WHRN: variants seen among roughly 807,000 people sequenced by gnomAD.
The protein encoded by WHRN is whirlin.
A neutral mutation model predicts 68.3 loss-of-function variants in WHRN; 41 were observed. That is an observed-to-expected ratio of 0.60 (90% confidence interval 0.47 to 0.78). WHRN has a LOEUF of 0.78. Ranked by LOEUF, WHRN falls within the 30% of genes least tolerant of loss-of-function variation. WHRN has a pLI of 0.00. For missense variants in WHRN, 1,243 were observed against 1,244.7 expected, an observed-to-expected ratio of 1.00 and a Z score of 0.02; for synonymous variants, 560 against 561.3, an observed-to-expected ratio of 1.00 and a Z score of 0.03.
At chr9:114,493,115 C>T (rs900650027) in intron 1 of WHRN, among the ~76,000 whole-genome samples, 8 of 151,862 alleles carry the variant, frequency 5.3e-5, no homozygotes, top group South Asian at 2.1e-4. Context: ...TTTGAGAGGC[C>T]GAGGTAGGAG....
chr9:114,421,894 G>A (rs1418868520), intron 7 of WHRN, among the ~76,000 whole-genome samples: 3 of 152,136 alleles, frequency 2.0e-5, no homozygotes, highest in African/African-American at 7.2e-5. Context: ...CCCAGGAAGG[G>A]GATGAGCACC....
intron 2 of WHRN, among the ~76,000 whole-genome samples, chr9:114,477,990 G>A (rs979176599): frequency 6.6e-6 from 1 of 152,152 alleles, no homozygotes; most frequent in South Asian, 2.1e-4. Context: ...CTTCAACCAC[G>A]AGAAGGGGCA....
intron 1 of WHRN, among the ~76,000 whole-genome samples, chr9:114,483,418 T>C (rs1842242007): frequency 6.6e-6 from 1 of 152,236 alleles, no homozygotes; most frequent in Admixed American, 6.5e-5. Context: ...ATTGCTTGCT[T>C]ATTTTAACGG....
intron 3 of WHRN, among the ~76,000 whole-genome samples, chr9:114,459,889 T>C (rs923874416): frequency 6.6e-6 from 1 of 152,218 alleles, no homozygotes; most frequent in African/African-American, 2.4e-5. Flanking sequence ...CCCCTCCGAA[T>C]CTCATGTTGA....
chr9:114,452,652 CT>C (rs939659546), intron 3 of WHRN, among the ~76,000 whole-genome samples: 1 of 152,216 alleles, frequency 6.6e-6, no homozygotes, highest in African/African-American at 2.4e-5. Flanking sequence ...GACCCTGTCT[CT>C]CAGAGATGCT....
intron 2 of WHRN, among the ~76,000 whole-genome samples, chr9:114,477,416 A>G (rs757595931): frequency 6.6e-6 from 1 of 152,178 alleles, no homozygotes; most frequent in South Asian, 2.1e-4. Flanking sequence ...GAGAAGGGTA[A>G]GATATCAGGG....
chr9:114,460,705 C>A (rs763641901), intron 3 of WHRN, among the ~76,000 whole-genome samples: 1 of 152,176 alleles, frequency 6.6e-6, no homozygotes, highest in Non-Finnish European at 1.5e-5. Context: ...AGGGCAGTGC[C>A]GTCCTGACAT....
At chr9:114,499,607 G>T (rs186229083) in intron 1 of WHRN, among the ~76,000 whole-genome samples, 1 of 152,326 alleles carries the variant, frequency 6.6e-6, no homozygotes, top group East Asian at 1.9e-4. Context: ...AAAGCCCTTT[G>T]CAGGATGGAG....
intron 7 of WHRN, among the ~76,000 whole-genome samples, chr9:114,413,071 G>A (rs1835564618): frequency 1.3e-5 from 2 of 152,358 alleles, no homozygotes; most frequent in Admixed American, 1.3e-4. Flanking sequence ...GAGGCCTAAG[G>A]CTGAGTGGTT....
chr9:114,481,664 C>T (rs372847145), intron 1 of WHRN, among the ~76,000 whole-genome samples: 4 of 152,332 alleles, frequency 2.6e-5, no homozygotes, highest in South Asian at 4.1e-4. Context: ...CTGTTCCGCC[C>T]GGCCTGCCTC....
intron 3 of WHRN, among the ~76,000 whole-genome samples, chr9:114,458,264 A>C (rs1296234926): frequency 6.6e-6 from 1 of 152,128 alleles, no homozygotes; most frequent in Non-Finnish European, 1.5e-5. Flanking sequence ...TTTATGATTC[A>C]ACCATCGAGT....
intron 7 of WHRN, among the ~76,000 whole-genome samples, chr9:114,415,678 T>C (rs1394907899): frequency 6.6e-6 from 1 of 152,182 alleles, no homozygotes; most frequent in East Asian, 1.9e-4. Flanking sequence ...TCCACTGGAC[T>C]TGATCAGCTT....
In WHRN at chr9:114,406,909, C is replaced by T. The variant is rs756569467; in HGVS notation, c.1699-17G>A. 1 of 1,559,180 alleles carries T rather than the reference C, an allele frequency of 6.4e-7. No homozygotes were observed. Among genetic ancestry groups the T allele is most frequent in the Non-Finnish European group, 8.7e-7 (1 of 1,151,654 alleles). On this transcript the variant is annotated splice_polypyrimidine_tract_variant and intron_variant, in intron 8 of 11. Transcript: ENST00000362057. Reference sequence around the variant, plus strand: ...GACATCATCCTGCCAAAAGACCCAACAGGCGGAGAAGGAGTCAGACCCCAT... The same window carrying T: ...GACATCATCCTGCCAAAAGACCCAATAGGCGGAGAAGGAGTCAGACCCCAT...
chr9:114,500,952 T>C (rs539279375), intron 1 of WHRN, among the ~76,000 whole-genome samples: 6 of 152,332 alleles, frequency 3.9e-5, no homozygotes, highest in South Asian at 4.1e-4. Context: ...CTGCCTTAAA[T>C]GAAAGCAATT....
chr9:114,482,769 T>G (rs1350846299), intron 1 of WHRN, among the ~76,000 whole-genome samples: 1 of 152,086 alleles, frequency 6.6e-6, no homozygotes, highest in Non-Finnish European at 1.5e-5. Flanking sequence ...AGAATCCTCT[T>G]GGTCAGTTCT....
At chr9:114,459,632 C>G (rs1840085230) in intron 3 of WHRN, among the ~76,000 whole-genome samples, 1 of 152,110 alleles carries the variant, frequency 6.6e-6, no homozygotes, top group Admixed American at 6.5e-5. Context: ...AGGGAGCAGC[C>G]CCAGCTTGGC....
intron 8 of WHRN, among the ~76,000 whole-genome samples, chr9:114,407,432 G>C (rs550788278): frequency 6.6e-6 from 1 of 152,260 alleles, no homozygotes; most frequent in African/African-American, 2.4e-5. Context: ...GATGTCAAAA[G>C]CCACGTGAAT....
chr9:114,504,683 C>T lies in WHRN; in HGVS notation c.119G>A (p.Arg40His). The T allele has an allele frequency of 6.3e-7, 1 of 1,596,536 alleles. No homozygotes were observed. ...CGCGGTCAGCGCTTGGTGCAGCTGGCGCACGTTGGCAGACAGTAACCGCAG... is the reference window on the plus strand; with the variant it reads ...CGCGGTCAGCGCTTGGTGCAGCTGGTGCACGTTGGCAGACAGTAACCGCAG... ...AGLRLLSANV[R>H]QLHQALTALL... The change falls in exon 1 of 12, where the codon CGC (arginine) becomes CAC (histidine). Residue 40 changes from arginine (R) to histidine (H), a missense_variant. Transcript: ENST00000362057.
At chr9:114,447,193 T>C (rs921257566) in intron 3 of WHRN, among the ~76,000 whole-genome samples, 1 of 152,090 alleles carries the variant, frequency 6.6e-6, no homozygotes, top group Non-Finnish European at 1.5e-5. Context: ...CCACTTCCTC[T>C]CTGCAGCCAC....
Sources: allele counts gnomAD v4.1 joint callset (sites outside exome capture counted in the v4.1 genomes callset), GRCh38; gene constraint gnomAD v4.1.1; transcripts MANE v1.5; gene names NCBI Gene and HGNC (gene_info 2026-07-23, HGNC 2026-07-21).